Variants in CDH13 observed in about 807,000 individuals in gnomAD.
CDH13 encodes cadherin 13.
A neutral mutation model predicts 63.8 loss-of-function variants in CDH13; 24 were observed. The observed-to-expected ratio is 0.38, with a 90% CI of 0.27 to 0.53. The LOEUF is 0.53. Ranked by LOEUF, CDH13 falls within the 20% of genes least tolerant of loss-of-function variation. The pLI, the probability that CDH13 is intolerant of heterozygous loss-of-function variation, is 0.85. For synonymous variants in CDH13, 503 were observed against 355.3 expected, an observed-to-expected ratio of 1.42 and a Z score of -4.67; for missense variants, 1,049 against 903.1, an observed-to-expected ratio of 1.16 and a Z score of -2.07.
intron 7 of CDH13, among the ~76,000 whole-genome samples, chr16:83,493,021 T>C (rs2074051731): frequency 6.6e-6 from 1 of 152,136 alleles, no homozygotes; most frequent in African/African-American, 2.4e-5. Context: ...GTTGTTGTTG[T>C]TGTTTTTGGT....
chr16:82,889,691 A>T (rs1020633092), intron 2 of CDH13, among the ~76,000 whole-genome samples: 1 of 152,258 alleles, frequency 6.6e-6, no homozygotes, highest in Non-Finnish European at 1.5e-5. Flanking sequence ...AGGGTTACAC[A>T]TGACAGAGTT....
Position 82,904,644 on chromosome 16 carries a change from T to C in CDH13, c.157+46171T>C, listed in dbSNP as rs975352833. ...GTCATAGTACATGTGCAATTCAAGA[T>C]ACCTGGGTGGGCATAGTAGTCTTTC... On this transcript the variant is annotated intron_variant, in intron 2 of 13. Transcript: ENST00000567109. 2.0e-5 allele frequency among the ~76,000 whole-genome samples: 3 copies of C among 152,182 alleles called. 1 individual carries two copies. The highest frequency in any genetic ancestry group is 2.0e-4 in the Admixed American group (3 of 15,288).
chr16:82,765,395 G>C (rs1200186164), intron 1 of CDH13, among the ~76,000 whole-genome samples: 3 of 152,088 alleles, frequency 2.0e-5, no homozygotes, highest in Admixed American at 2.0e-4. Flanking sequence ...TCAGTGCCCA[G>C]CTCTAAAAGT....
chr16:82,676,574 T>C (rs1913934999), intron 1 of CDH13, among the ~76,000 whole-genome samples: 3 of 151,354 alleles, frequency 2.0e-5, no homozygotes, highest in African/African-American at 7.3e-5. Flanking sequence ...TTCCAATCTT[T>C]CTCTTCTCCC....
intron 4 of CDH13, among the ~76,000 whole-genome samples, chr16:83,186,080 T>A (rs560400872): frequency 9.1e-6 from 1 of 109,932 alleles, no homozygotes; most frequent in Non-Finnish European, 1.9e-5. Flanking sequence ...TAAAGGCATC[T>A]TTTTATTTTA....
At chr16:83,246,486 A>T (rs4421965) in intron 5 of CDH13, among the ~76,000 whole-genome samples, 1 of 151,822 alleles carries the variant, frequency 6.6e-6, no homozygotes, top group African/African-American at 2.4e-5. Flanking sequence ...TAATCCTATC[A>T]TTGGCCTGGC....
intron 6 of CDH13, among the ~76,000 whole-genome samples, chr16:83,356,535 T>C (rs935477518): frequency 2.0e-5 from 3 of 152,178 alleles, no homozygotes; most frequent in Admixed American, 6.6e-5. Context: ...TGCAGCACCC[T>C]TGCTCTAAGA....
At chr16:82,980,486 A>G (rs1352138237) in intron 2 of CDH13, among the ~76,000 whole-genome samples, 1 of 152,226 alleles carries the variant, frequency 6.6e-6, no homozygotes, top group Non-Finnish European at 1.5e-5. Flanking sequence ...ACACAGTATT[A>G]TAAGTTTTAG....
At chr16:83,104,494 A>G (rs2034665084) in intron 3 of CDH13, among the ~76,000 whole-genome samples, 1 of 152,056 alleles carries the variant, frequency 6.6e-6, no homozygotes, top group East Asian at 1.9e-4. Flanking sequence ...CATAAAAGAG[A>G]AATTATTGTT....
intron 1 of CDH13, among the ~76,000 whole-genome samples, chr16:82,683,453 A>G (rs1914757973): frequency 6.6e-6 from 1 of 152,206 alleles, no homozygotes. Flanking sequence ...CCCCAGTGAC[A>G]CGGAAGGATG....
chr16:82,875,910 G>C (rs185690807), intron 2 of CDH13, among the ~76,000 whole-genome samples: 97 of 152,302 alleles, frequency 6.4e-4, no homozygotes, highest in Admixed American at 1.8e-3. Context: ...AGGTTTATTG[G>C]ACTTACAGTT....
intron 6 of CDH13, among the ~76,000 whole-genome samples, chr16:83,426,980 G>A (rs1206664196): frequency 7.8e-6 from 1 of 127,454 alleles, no homozygotes; most frequent in Non-Finnish European, 1.6e-5. Flanking sequence ...AGGCTAGAGT[G>A]CAGTGGCGTG....
chr16:83,034,364 G>A (rs1263321339), intron 3 of CDH13, among the ~76,000 whole-genome samples: 1 of 152,096 alleles, frequency 6.6e-6, no homozygotes, highest in Non-Finnish European at 1.5e-5. Context: ...AAGGATAGAT[G>A]GCAACCTAAA....
At chr16:82,987,361 T>TTTTGTTTGTTTG (rs200643952) in intron 2 of CDH13, among the ~76,000 whole-genome samples, 12 of 151,980 alleles carry the variant, frequency 7.9e-5, no homozygotes, top group African/African-American at 2.7e-4. Context: ...TTTTGTTTTG[T>TTTTGTTTGTTTG]TTTGTTTGTT....
At chr16:83,628,680 A>G (rs921432864) in intron 8 of CDH13, among the ~76,000 whole-genome samples, 3 of 152,140 alleles carry the variant, frequency 2.0e-5, no homozygotes, top group African/African-American at 2.4e-5. Context: ...CGGTATTTCA[A>G]TAGGAGGCGA....
At chr16:83,306,755 A>G (rs934093318) in intron 5 of CDH13, among the ~76,000 whole-genome samples, 7 of 152,160 alleles carry the variant, frequency 4.6e-5, no homozygotes, top group African/African-American at 1.4e-4. Context: ...GCAAGCCATG[A>G]TAAGAAATGT....
chr16:83,563,360 A>G (rs1243614321), intron 7 of CDH13, among the ~76,000 whole-genome samples: 1 of 152,200 alleles, frequency 6.6e-6, no homozygotes, highest in Non-Finnish European at 1.5e-5. Context: ...GCATTTATTC[A>G]CTTCAAACAC....
chr16:83,636,886 A>G (rs556051284), intron 8 of CDH13, among the ~76,000 whole-genome samples: 12 of 152,300 alleles, frequency 7.9e-5, no homozygotes, highest in Admixed American at 7.2e-4. Flanking sequence ...AGCAGCATAT[A>G]TGTGTTCCCT....
At chr16:83,713,856 T>C (rs1357749579) in intron 10 of CDH13, among the ~76,000 whole-genome samples, 1 of 152,224 alleles carries the variant, frequency 6.6e-6, no homozygotes, top group Non-Finnish European at 1.5e-5. Flanking sequence ...TCTCTCCCTC[T>C]TGACTGCCTT....
Sources: allele counts gnomAD v4.1 joint callset (sites outside exome capture counted in the v4.1 genomes callset), GRCh38; gene constraint gnomAD v4.1.1; transcripts MANE v1.5; gene names NCBI Gene and HGNC (gene_info 2026-07-23, HGNC 2026-07-21).